The following RBM6 variants were observed in gnomAD, a reference collection of about 807,000 sequenced individuals.
The protein encoded by RBM6 is RNA-binding protein 6.
A neutral mutation model predicts 140.4 loss-of-function variants in RBM6; 23 were observed. The ratio of observed to expected loss-of-function variants is 0.16; its 90% confidence interval spans 0.12 to 0.23. RBM6 has a LOEUF of 0.23. Ranked by LOEUF, RBM6 falls within the 10% of genes least tolerant of loss-of-function variation. RBM6 has a pLI of 1.00. For synonymous variants in RBM6, 439 were observed against 475.6 expected, an observed-to-expected ratio of 0.92 and a Z score of 1.00; for missense variants, 1,139 against 1,386.7, an observed-to-expected ratio of 0.82 and a Z score of 2.84.
chr3:49,962,750 C>T (rs1185469910), intron 2 of RBM6, 65 bp downstream of exon 2: 7 of 1,364,942 alleles, frequency 5.1e-6, no homozygotes, highest in Non-Finnish European at 7.0e-6. Context: ...AACATTTTCG[C>T]CTACTATAAA....
intron 1 of RBM6, among the ~76,000 whole-genome samples, chr3:49,959,041 C>T (rs1188290907): frequency 6.6e-6 from 1 of 152,032 alleles, no homozygotes; most frequent in Non-Finnish European, 1.5e-5. Flanking sequence ...GACCAACCCA[C>T]TTCGGCCTCC....
chr3:49,951,717 ATTT>A (rs200260511), intron 1 of RBM6, among the ~76,000 whole-genome samples: 7 of 131,628 alleles, frequency 5.3e-5, no homozygotes, highest in African/African-American at 1.4e-4. Context: ...TATTATTATT[ATTT>A]TTTTGTTGTT....
At chr3:49,987,673 C>G (rs2085626279) in intron 5 of RBM6, among the ~76,000 whole-genome samples, 1 of 151,768 alleles carries the variant, frequency 6.6e-6, no homozygotes, top group African/African-American at 2.4e-5. Flanking sequence ...GAGTCTTACT[C>G]TGTCACCTGG....
chr3:50,062,363 G>C (rs968545377), intron 15 of RBM6, among the ~76,000 whole-genome samples: 1 of 152,040 alleles, frequency 6.6e-6, no homozygotes. Flanking sequence ...AATTAGCTGC[G>C]TGTGGTGGTA....
At chr3:50,033,194 G>A (rs1575754361) in intron 6 of RBM6, among the ~76,000 whole-genome samples, 2 of 152,028 alleles carry the variant, frequency 1.3e-5, no homozygotes, top group Admixed American at 1.3e-4. Flanking sequence ...CTACTCAGGA[G>A]GCTCAGACAG....
At chr3:50,029,393 G>A (rs1302687049) in intron 6 of RBM6, among the ~76,000 whole-genome samples, 1 of 152,098 alleles carries the variant, frequency 6.6e-6, no homozygotes, top group African/African-American at 2.4e-5. Context: ...GATATCAGAG[G>A]GGAAGGTACA....
At chr3:49,943,613 A>C (rs2083375363) in intron 1 of RBM6, among the ~76,000 whole-genome samples, 1 of 151,178 alleles carries the variant, frequency 6.6e-6, no homozygotes, top group Non-Finnish European at 1.5e-5. Context: ...CTGGCCCATA[A>C]TTTTTTTATT....
intron 1 of RBM6, among the ~76,000 whole-genome samples, chr3:49,947,825 A>G (rs936106571): frequency 6.6e-6 from 1 of 152,190 alleles, no homozygotes; most frequent in African/African-American, 2.4e-5. Context: ...TCCATTTGGG[A>G]AAAAGATTGT....
intron 6 of RBM6, among the ~76,000 whole-genome samples, chr3:50,015,338 C>T (rs1034028984): frequency 1.3e-5 from 2 of 150,780 alleles, no homozygotes; most frequent in Non-Finnish European, 2.9e-5. Flanking sequence ...AAACTCCTGA[C>T]CTTATGGTCT....
chr3:49,971,470 A>G lies in RBM6; in HGVS notation c.1324-589A>G, dbSNP rs376845816. On this transcript the variant is annotated intron_variant, in intron 3 of 20. Transcript: ENST00000266022. ...AAAAAAAAAAAGACATTATCTAGTC[A>G]TCTTCTCTCACCAGAGGTATGAAGT... Among the ~76,000 whole-genome samples the G allele has an allele frequency of 5.3e-5, 8 of 151,686 alleles. No homozygotes were observed. The East Asian group carries it at 1.2e-3, about 22-fold the overall frequency.
intron 6 of RBM6, among the ~76,000 whole-genome samples, chr3:50,018,408 A>G (rs1157977366): frequency 1.3e-5 from 2 of 152,164 alleles, no homozygotes; most frequent in African/African-American, 2.4e-5. Context: ...GTATGGATAT[A>G]TCACAGTTTA....
Position 50,003,156 on chromosome 3 carries a change from T to A in RBM6, c.1557+3643T>A, listed in dbSNP as rs573401679. On this transcript the variant is annotated intron_variant, in intron 6 of 20. Coordinates refer to ENST00000266022, the MANE Select transcript of RBM6 (RefSeq NM_005777.3). ...TGAATAAATAAATAAATAAATAAAA[T>A]AAATATTTGTGGAAGATAAAATGTG... Among the ~76,000 whole-genome samples, 141 of 151,784 alleles carry A rather than the reference T, an allele frequency of 9.3e-4. 1 individual carries two copies. The highest frequency in any genetic ancestry group is 2.5e-3 in the African/African-American group (105 of 41,426).
At chr3:49,954,530 C>T (rs1033305956) in intron 1 of RBM6, among the ~76,000 whole-genome samples, 1 of 151,934 alleles carries the variant, frequency 6.6e-6, no homozygotes, top group Non-Finnish European at 1.5e-5. Context: ...ATCCTTCTGC[C>T]TCAGCCTCCC....
chr3:50,044,505 C>A (rs1277324004), intron 6 of RBM6, among the ~76,000 whole-genome samples: 2 of 151,422 alleles, frequency 1.3e-5, no homozygotes, highest in Non-Finnish European at 2.9e-5. Context: ...ATTGCTCGAA[C>A]TTGGGAGGCG....
intron 19 of RBM6, among the ~76,000 whole-genome samples, chr3:50,072,187 C>T (rs1339777174): frequency 6.7e-6 from 1 of 148,608 alleles, no homozygotes; most frequent in African/African-American, 2.5e-5. Context: ...GCAGGTGGAT[C>T]ACTTAAGGTC....
chr3:49,967,844 G>T lies in RBM6; in HGVS notation c.419G>T (p.Gly140Val), dbSNP rs769250796. Reference protein sequence around the residue: ...GPPMDYRGGDGTSMDYRGREA... With the variant: ...GPPMDYRGGDVTSMDYRGREA... The stretch of plus-strand genomic sequence containing the variant: ...CCTATGGACTATAGGGGTGGAGATG[G>T]TACTTCTATGGATTATAGAGGTAGG... Residue 140 changes from glycine (G) to valine (V), a missense_variant, in exon 3 of 21, where the codon GGT (glycine) becomes GTT (valine). Physicochemically the swap from Gly to Val is moderately radical, Grantham distance 109 (BLOSUM62 -3). Coordinates refer to ENST00000266022, the MANE Select transcript of RBM6 (RefSeq NM_005777.3). This position sits in a 1 kb window ranked among gnomAD's most constrained non-coding sequence, Gnocchi z 4.0. The T allele has an allele frequency of 5.6e-6, 9 of 1,613,978 alleles. No homozygotes were observed. In the East Asian group the frequency reaches 1.6e-4, roughly 28 times the overall value.
intron 6 of RBM6, among the ~76,000 whole-genome samples, chr3:50,013,551 C>G (rs1391290579): frequency 2.0e-5 from 3 of 151,988 alleles, no homozygotes; most frequent in Non-Finnish European, 2.9e-5. Context: ...GTCTGTAGTC[C>G]CAGCTACTCG....
chr3:49,967,207 A>G lies in RBM6; in HGVS notation c.45-263A>G. 2 of 1,232,908 alleles carry G rather than the reference A, an allele frequency of 1.6e-6. No individual in the cohort carries two copies. Among genetic ancestry groups the G allele is most frequent in the Non-Finnish European group, 2.0e-6 (2 of 984,940 alleles). The allele number at this position is 1,232,908 out of a possible 1,614,324, so 76.4% of individuals were successfully genotyped here. A position where few individuals can be genotyped will look rare whatever the true frequency, so the allele number is the denominator to read the frequency against. ...ATTTTCCCTGTTGCAGGACTGGGTG[A>G]AAGCTTTTTCTGCAGCAGTCATGTT... On this transcript the variant is annotated intron_variant, in intron 2 of 20. Transcript: ENST00000266022. The surrounding 1 kb of genome is among the most constrained non-coding windows in gnomAD (Gnocchi z 4.0).
chr3:50,069,653 G>GT (rs1339905455), intron 18 of RBM6, among the ~76,000 whole-genome samples: 10 of 152,088 alleles, frequency 6.6e-5, no homozygotes, highest in African/African-American at 2.4e-4. Context: ...TCACAGCCCT[G>GT]TACTCCAGCC....
Sources: gnomAD v4.1 joint callset for allele counts (sites outside exome capture counted in the v4.1 genomes callset) on GRCh38, gnomAD v4.1.1 for gene constraint, Gnocchi (gnomAD v3.1) non-coding constraint, MANE v1.5 for transcripts, NCBI Gene and HGNC (gene_info 2026-07-23, HGNC 2026-07-21) for gene names.